The following BCR variants were observed in gnomAD, a reference collection of about 807,000 sequenced individuals.
The protein encoded by BCR is breakpoint cluster region protein.
Under a neutral mutation model 138.6 loss-of-function variants are expected in BCR, and 58 were observed. That is an observed-to-expected ratio of 0.42 (90% CI 0.34 to 0.52). The LOEUF is 0.52. Among genes scored for constraint, BCR ranks in the 20% least tolerant of loss-of-function variants. BCR has a pLI of 0.06. For missense variants in BCR, 1,599 were observed against 1,727.2 expected (o/e 0.93, Z 1.32); for synonymous variants, 786 against 730.1 (o/e 1.08, Z -1.23).
chr22:23,275,476 T>C (rs1196487070), intron 8 of BCR, among the ~76,000 whole-genome samples: 1 of 152,212 alleles, frequency 6.6e-6, no homozygotes, highest in Non-Finnish European at 1.5e-5. Context: ...CTGAGCGCAT[T>C]GAAGGCGGAA....
intron 1 of BCR, among the ~76,000 whole-genome samples, chr22:23,225,987 C>G (rs1336526700): frequency 6.6e-6 from 1 of 152,232 alleles, no homozygotes; most frequent in Admixed American, 6.5e-5. Flanking sequence ...GCTACACAAA[C>G]AAACTCCTGG....
intron 1 of BCR, among the ~76,000 whole-genome samples, chr22:23,226,329 T>A (rs113962290): frequency 0.31 from 17,448 of 56,644 alleles, 1,026 homozygotes; most frequent in East Asian, 0.51. Flanking sequence ...AGAGAGAGAG[T>A]GTGTGTGTGT....
chr22:23,197,780 G>A (rs2072500846), intron 1 of BCR, among the ~76,000 whole-genome samples: 1 of 152,146 alleles, frequency 6.6e-6, no homozygotes, highest in Admixed American at 6.6e-5. Context: ...TGATGGTCCA[G>A]TGGGAGTCAG....
In BCR at chr22:23,252,808, G is replaced by A. The variant is rs142767778; in HGVS notation, c.1280-991G>A. Among the ~76,000 whole-genome samples, 517 of 152,238 alleles carry A rather than the reference G, an allele frequency of 3.4e-3. 1 individual carries two copies. The highest frequency in any genetic ancestry group is 5.1e-3 in the Non-Finnish European group (345 of 68,014). ...TGTTTTCTCTGTACACAAGCTCAACGCAGAACACTTATGTGACCAAATGTA... is the reference window on the plus strand; with the variant it reads ...TGTTTTCTCTGTACACAAGCTCAACACAGAACACTTATGTGACCAAATGTA... On this transcript the variant is annotated intron_variant, in intron 1 of 22. Transcript: ENST00000305877.
intron 16 of BCR, among the ~76,000 whole-genome samples, chr22:23,295,740 C>T (rs2073838152): frequency 6.6e-6 from 1 of 152,114 alleles, no homozygotes; most frequent in Non-Finnish European, 1.5e-5. Context: ...CTTAAGGAGA[C>T]TGCCTGGGCC....
chr22:23,286,866 T>C (rs1455418987), intron 10 of BCR, among the ~76,000 whole-genome samples: 2 of 152,194 alleles, frequency 1.3e-5, no homozygotes, highest in African/African-American at 4.8e-5. Flanking sequence ...GCAGGGATGT[T>C]GGTAAAAGTT....
intron 12 of BCR, among the ~76,000 whole-genome samples, chr22:23,289,203 C>T (rs1407490167): frequency 6.6e-6 from 1 of 152,222 alleles, no homozygotes; most frequent in African/African-American, 2.4e-5. Context: ...GGAGACCTCA[C>T]AGGGAGGTGC....
intron 16 of BCR, among the ~76,000 whole-genome samples, chr22:23,300,561 C>T (rs2073892062): frequency 6.6e-6 from 1 of 152,134 alleles, no homozygotes; most frequent in South Asian, 2.1e-4. Flanking sequence ...TGTTGCCAGG[C>T]ACATCCATGG....
intron 2 of BCR, 38 bp from the exon 3 acceptor site, chr22:23,260,912 C>A (rs1464675104): frequency 6.3e-7 from 1 of 1,587,306 alleles, no homozygotes; most frequent in Non-Finnish European, 8.6e-7. Context: ...ATCCCCCTAC[C>A]ACCCTTCCAG....
intron 1 of BCR, among the ~76,000 whole-genome samples, chr22:23,195,115 A>G (rs1182928884): frequency 2.0e-5 from 3 of 152,020 alleles, no homozygotes; most frequent in African/African-American, 7.2e-5. Flanking sequence ...CGTCTCTACC[A>G]AAAATACAAA....
Position 23,289,436 on chromosome 22 carries a change from T to TGTG in BCR, c.2603-76_2603-74dup, listed in dbSNP as rs2073757470. 13 of 1,186,126 alleles carry TGTG rather than the reference T, an allele frequency of 1.1e-5. 1 individual carries two copies. In the South Asian group the frequency reaches 1.6e-4, roughly 15 times the overall value. 73.5% of individuals were successfully genotyped at this position (1,186,126 alleles called of 1,614,324 possible). On this transcript the variant is annotated intron_variant, in intron 12 of 22. Coordinates refer to ENST00000305877, the MANE Select transcript of BCR (RefSeq NM_004327.4). ...CTTGCCGTGCCCCTTCCCCAGGGTG[T>TGTG]GTGGTGGAGGTCCAGTGGGAGGGGC...
chr22:23,298,879 T>G (rs1250251277), intron 16 of BCR, among the ~76,000 whole-genome samples: 1 of 152,182 alleles, frequency 6.6e-6, no homozygotes, highest in Non-Finnish European at 1.5e-5. Flanking sequence ...ATTATAGGCG[T>G]GAGCTACTGC....
At position 23,221,941 on chromosome 22, in the gene BCR, A is replaced by AT. The variant is rs1332099375; in HGVS notation, c.1280-31856dup. Among the ~76,000 whole-genome samples the AT allele has an allele frequency of 2.6e-5, 4 of 152,090 alleles. No individual in the cohort carries two copies. In the East Asian group the frequency reaches 5.8e-4, roughly 22 times the overall value. On this transcript the variant is annotated intron_variant, in intron 1 of 22. Coordinates refer to ENST00000305877, the MANE Select transcript of BCR (RefSeq NM_004327.4). ...CCTGTTTTTACTGAAAAGACAAAAA[A>AT]TTAGCTGGGCGTGGTGGCAGGCGCC...
At chr22:23,258,021 C>G (rs751214788) in intron 2 of BCR, among the ~76,000 whole-genome samples, 1 of 152,164 alleles carries the variant, frequency 6.6e-6, no homozygotes, top group Non-Finnish European at 1.5e-5. Context: ...GGCTCCCACC[C>G]GTGGAGTCAC....
chr22:23,286,541 C>T lies in BCR; in HGVS notation c.2407-618C>T, dbSNP rs2073715713. Among the ~76,000 whole-genome samples, 3 of 152,202 alleles carry T rather than the reference C, an allele frequency of 2.0e-5. No individual in the cohort carries two copies. The South Asian group carries it at 6.2e-4, about 31-fold the overall frequency. On this transcript the variant is annotated intron_variant, in intron 10 of 22. Coordinates refer to ENST00000305877, the MANE Select transcript of BCR (RefSeq NM_004327.4). ...GGAGCCAGTGCTCAGGGCAGCTGAG[C>T]CCTATTGACTGTTACTGTTGCATTC...
intron 1 of BCR, among the ~76,000 whole-genome samples, chr22:23,189,322 A>C (rs569397508): frequency 1.3e-5 from 2 of 151,824 alleles, no homozygotes; most frequent in Admixed American, 6.6e-5. Flanking sequence ...TTAACTCCCC[A>C]TTCCCCCTCA....
intron 1 of BCR, among the ~76,000 whole-genome samples, chr22:23,225,991 C>T (rs2072887418): frequency 6.6e-6 from 1 of 152,236 alleles, no homozygotes; most frequent in African/African-American, 2.4e-5. Context: ...CACAAACAAA[C>T]TCCTGGGCTT....
chr22:23,240,302 C>CGTGTGTGTGTGTGTGTGTGTGT (rs200491524), intron 1 of BCR, among the ~76,000 whole-genome samples: 1 of 144,020 alleles, frequency 6.9e-6, no homozygotes, highest in African/African-American at 2.6e-5. Context: ...CCTGGCTGAT[C>CGTGTGTGTGTGTGTGTGTGTGT]GTGTGTGTGT....
intron 2 of BCR, among the ~76,000 whole-genome samples, chr22:23,256,747 C>T (rs989643588): frequency 4.6e-5 from 7 of 152,168 alleles, no homozygotes; most frequent in Admixed American, 3.9e-4. Flanking sequence ...TGTCCTGAAG[C>T]TCAGTTCCAG....
Sources: allele counts gnomAD v4.1 joint callset (sites outside exome capture counted in the v4.1 genomes callset), GRCh38; gene constraint gnomAD v4.1.1; transcripts MANE v1.5; gene names NCBI Gene and HGNC (gene_info 2026-07-23, HGNC 2026-07-21).